CUL1: variants seen among roughly 807,000 people sequenced by gnomAD.
CUL1 encodes the protein cullin 1.
A neutral mutation model predicts 118.0 loss-of-function variants in CUL1; 24 were observed. The observed-to-expected ratio is 0.20, with a 90% CI of 0.15 to 0.29. CUL1 has a LOEUF of 0.29. Ranked by LOEUF, CUL1 falls within the 10% of genes least tolerant of loss-of-function variation. The pLI is 1.00. For synonymous variants in CUL1, 332 were observed against 340.4 expected (o/e 0.98, Z 0.27); for missense variants, 361 against 933.8 (o/e 0.39, Z 7.99).
chr7:148,744,397 AGTGTGTGTGTGTGT>A lies in CUL1; in HGVS notation c.141-9551_141-9538del, dbSNP rs56093418. 8.7e-4 allele frequency among the ~76,000 whole-genome samples: 125 copies of A among 144,082 alleles called. 2 individuals carry two copies. In the South Asian group the frequency reaches 0.022, roughly 26 times the overall value. The allele number at this position is 144,082 out of a possible 152,430, so 94.5% of individuals were successfully genotyped here. On this transcript the variant is annotated intron_variant, in intron 2 of 21. Coordinates refer to ENST00000325222, the MANE Select transcript of CUL1 (RefSeq NM_003592.3). ...TAATATATTTGTTGGTTGTTTCTGC[AGTGTGTGTGTGTGT>A]GTGTGTGTGTGTGTGTGTGTGTGTG...
chr7:148,760,696 TCTC>T (rs1292787571), intron 7 of CUL1, among the ~76,000 whole-genome samples, 200 bp downstream of exon 7: 6 of 152,236 alleles, frequency 3.9e-5, no homozygotes, highest in African/African-American at 1.2e-4. Context: ...GACTGAGAGT[TCTC>T]CTTGCTGTTC....
chr7:148,795,245 C>T (rs894484116), intron 17 of CUL1, among the ~76,000 whole-genome samples: 1 of 152,136 alleles, frequency 6.6e-6, no homozygotes, highest in African/African-American at 2.4e-5. Context: ...GATCCTCTCT[C>T]CTCAGCCTCC....
intron 19 of CUL1, 132 bp from the exon 20 acceptor site, chr7:148,798,440 G>C: frequency 1.5e-6 from 1 of 659,460 alleles, no homozygotes; most frequent in Non-Finnish European, 2.7e-6. Flanking sequence ...TTCACGGAGA[G>C]CTCACAGAAA....
chr7:148,741,337 A>G (rs1393854296), intron 2 of CUL1, among the ~76,000 whole-genome samples: 1 of 152,210 alleles, frequency 6.6e-6, no homozygotes, highest in Non-Finnish European at 1.5e-5. Context: ...TTATTTTCCA[A>G]AGTGGCTGCA....
chr7:148,760,360 C>G lies in CUL1; in HGVS notation c.653C>G (p.Ala218Gly). 6.2e-7 allele frequency: 1 copy of G among 1,604,080 alleles called. No individual in the cohort carries two copies. Among genetic ancestry groups the G allele is most frequent in the South Asian group, 1.1e-5 (1 of 88,704 alleles). ...YVELGLNEDD[A>G]FAKGPTLTVY... ...GAATTGGGGCTGAATGAAGATGATGCATTTGCAAAGGGCCCTACGTTAACA... is the reference window on the plus strand; with the variant it reads ...GAATTGGGGCTGAATGAAGATGATGGATTTGCAAAGGGCCCTACGTTAACA... Residue 218 changes from alanine (A) to glycine (G), a missense_variant, in exon 7 of 22, where the codon GCA becomes GGA. Ala to Gly is a moderately conservative substitution (Grantham distance 60). Around this residue, in one of 7 missense-constraint regions of CUL1, gnomAD observed 169 missense variants for 429.7 expected, o/e 0.39. Transcript: ENST00000325222.
chr7:148,742,246 A>C (rs186063637), intron 2 of CUL1, among the ~76,000 whole-genome samples: 29 of 152,304 alleles, frequency 1.9e-4, no homozygotes, highest in Non-Finnish European at 4.0e-4. Context: ...TGGGTAATTT[A>C]TGAAGGAAAG....
rs1295758747 is a variant in CUL1, at chr7:148,792,964, AG to A, written c.1899+148del. ...ATGAATATGAATATGGCCTTATTCC[AG>A]GATTTTAATACGCACTACAAAAAGC... On this transcript the variant is annotated intron_variant, in intron 17 of 21. Transcript: ENST00000325222. The A allele has an allele frequency of 5.1e-6, 3 of 593,092 alleles. No individual in the cohort carries two copies. The African/African-American group carries it at 5.7e-5, about 11-fold the overall frequency. 36.7% of individuals were successfully genotyped at this position (593,092 alleles called of 1,614,324 possible). A position where few individuals can be genotyped will look rare whatever the true frequency, so the allele number is the denominator to read the frequency against.
At chr7:148,769,176 A>G (rs952348385) in intron 9 of CUL1, among the ~76,000 whole-genome samples, 7 of 151,870 alleles carry the variant, frequency 4.6e-5, no homozygotes, top group African/African-American at 1.7e-4. Flanking sequence ...TTTTATTTTT[A>G]TTTTTTTAAA....
chr7:148,744,030 C>A (rs1799229738), intron 2 of CUL1, among the ~76,000 whole-genome samples: 1 of 152,024 alleles, frequency 6.6e-6, no homozygotes, highest in African/African-American at 2.4e-5. Context: ...CCTTTTTATC[C>A]CTGGTAGTAA....
rs762413475 is a variant in CUL1 at position 148,787,089 on chromosome 7, A to G, written c.1448A>G (p.Asp483Gly). 6.2e-7 allele frequency: 1 copy of G among 1,613,710 alleles called. No homozygotes were observed. Among genetic ancestry groups the G allele is most frequent in the African/African-American group, 1.3e-5 (1 of 74,892 alleles). The change falls in exon 13 of 22, where the codon GAT becomes GGT. Residue 483 changes from aspartate to glycine, a missense_variant. By Grantham distance (94) the Asp-to-Gly change is moderately conservative. Around this residue, in one of 7 missense-constraint regions of CUL1, gnomAD observed 0 missense variants for 29.7 expected, o/e 0.00. Transcript: ENST00000325222. The surrounding 1 kb of genome is among the most constrained non-coding windows in gnomAD (Gnocchi z 5.5). ...GTCCACCAGAACAGTGCAAGTGACGATGCCGAAGCCAGCATGATCTCCAAG... is the reference window on the plus strand; with the variant it reads ...GTCCACCAGAACAGTGCAAGTGACGGTGCCGAAGCCAGCATGATCTCCAAG... ...RLVHQNSASDDAEASMISKLK... is the reference protein window; with the variant it reads ...RLVHQNSASDGAEASMISKLK...
At chr7:148,744,553 G>T (rs1762427887) in intron 2 of CUL1, among the ~76,000 whole-genome samples, 1 of 151,960 alleles carries the variant, frequency 6.6e-6, no homozygotes, top group South Asian at 2.1e-4. Context: ...AATTGTGGTT[G>T]TATAGTTCCA....
At chr7:148,756,343 T>G (rs78751293) in intron 3 of CUL1, among the ~76,000 whole-genome samples, 5 of 152,222 alleles carry the variant, frequency 3.3e-5, no homozygotes, top group East Asian at 3.9e-4. Flanking sequence ...CTTTTTTTTT[T>G]GGGAAGGGGT....
intron 2 of CUL1, among the ~76,000 whole-genome samples, chr7:148,738,143 C>A (rs1799020197): frequency 6.6e-6 from 1 of 152,150 alleles, no homozygotes; most frequent in Admixed American, 6.5e-5. Flanking sequence ...GTGTTCACTT[C>A]AGAAATAAGG....
rs1021061923 is a variant in CUL1, at chr7:148,788,554, C to T, written c.1480-3C>T. On this transcript the variant is annotated splice_region_variant and splice_polypyrimidine_tract_variant and intron_variant, in intron 13 of 21. Coordinates refer to ENST00000325222, the MANE Select transcript of CUL1 (RefSeq NM_003592.3). Reference sequence around the variant, plus strand: ...ATAAGACAGTCATCTGGGTTCTTCTCAGCAAGCTTGCGGGTTCGAGTACAC... The same window carrying T: ...ATAAGACAGTCATCTGGGTTCTTCTTAGCAAGCTTGCGGGTTCGAGTACAC... 1 of 1,604,806 alleles carries T rather than the reference C, an allele frequency of 6.2e-7. No homozygotes were observed. The highest frequency in any genetic ancestry group is 1.1e-5 in the South Asian group (1 of 90,178).
intron 16 of CUL1, among the ~76,000 whole-genome samples, chr7:148,791,409 A>T (rs1049095612): frequency 2.0e-5 from 3 of 152,236 alleles, no homozygotes; most frequent in Non-Finnish European, 4.4e-5. Flanking sequence ...AATGCATAGT[A>T]TTATGCTGGC....
chr7:148,779,058 C>T (rs1350128924), intron 9 of CUL1, among the ~76,000 whole-genome samples: 2 of 152,234 alleles, frequency 1.3e-5, no homozygotes, highest in African/African-American at 4.8e-5. Flanking sequence ...GATGCCCTCA[C>T]ACCTCTTGTA....
chr7:148,792,556 T>C (rs1382709063), intron 16 of CUL1, among the ~76,000 whole-genome samples, 170 bp from the exon 17 acceptor site: 1 of 152,282 alleles, frequency 6.6e-6, no homozygotes, highest in African/African-American at 2.4e-5. Context: ...TGCATTGTAG[T>C]GGCATTGCCA....
intron 7 of CUL1, among the ~76,000 whole-genome samples, chr7:148,765,449 G>C (rs1037795506): frequency 6.6e-6 from 1 of 152,096 alleles, no homozygotes; most frequent in Non-Finnish European, 1.5e-5. Flanking sequence ...GAGCAACATA[G>C]TGAGACCTTG....
chr7:148,755,502 A>G (rs1799626412), intron 3 of CUL1, among the ~76,000 whole-genome samples: 2 of 152,230 alleles, frequency 1.3e-5, no homozygotes, highest in Admixed American at 6.5e-5. Flanking sequence ...GGCTGGCCAT[A>G]AGTTGTGACT....
Sources: allele counts gnomAD v4.1 joint callset (sites outside exome capture counted in the v4.1 genomes callset), GRCh38; gene constraint gnomAD v4.1.1; regional missense constraint gnomAD v4.1.1; non-coding constraint Gnocchi (gnomAD v3.1); transcripts MANE v1.5; gene names NCBI Gene and HGNC (gene_info 2026-07-23, HGNC 2026-07-21).